The following MCF2L2 variants were observed in gnomAD, a reference collection of about 807,000 sequenced individuals.
The protein encoded by MCF2L2 is MCF.2 cell line derived transforming sequence-like 2, also known as probable guanine nucleotide exchange factor MCF2L2.
MCF2L2 carries 102 observed loss-of-function variants against 150.2 expected under a neutral mutation model. The ratio of observed to expected loss-of-function variants is 0.68; its 90% CI spans 0.58 to 0.80. MCF2L2 has a LOEUF of 0.80. Among genes scored for constraint, MCF2L2 ranks in the 30% least tolerant of loss-of-function variants. The pLI is 0.00. For missense variants in MCF2L2, 1,256 were observed against 1,372.8 expected (o/e 0.91, Z 1.34); for synonymous variants, 465 against 491.3 (o/e 0.95, Z 0.71).
intron 1 of MCF2L2, among the ~76,000 whole-genome samples, chr3:183,404,811 C>T (rs954210155): frequency 6.6e-6 from 1 of 151,834 alleles, no homozygotes; most frequent in South Asian, 2.1e-4. Flanking sequence ...TGCAGTGAGC[C>T]GAGATCTTGC....
intron 14 of MCF2L2, among the ~76,000 whole-genome samples, chr3:183,284,058 G>A (rs79171050): frequency 0.02 from 3,018 of 152,224 alleles, 61 homozygotes; most frequent in East Asian, 0.052. Context: ...AATTGCCTTA[G>A]TATATATTAA....
At chr3:183,307,257 G>C (rs1250563916) in intron 10 of MCF2L2, among the ~76,000 whole-genome samples, 1 of 152,222 alleles carries the variant, frequency 6.6e-6, no homozygotes, top group African/African-American at 2.4e-5. Context: ...ATTGTGGCCA[G>C]ACACAGTCTT....
At chr3:183,287,198 G>A (rs1421077011) in intron 14 of MCF2L2, among the ~76,000 whole-genome samples, 6 of 152,132 alleles carry the variant, frequency 3.9e-5, no homozygotes, top group Non-Finnish European at 8.8e-5. Flanking sequence ...CTTGTTTACT[G>A]TTCACAATTA....
chr3:183,355,388 A>C (rs993748367), intron 3 of MCF2L2, among the ~76,000 whole-genome samples: 1 of 151,600 alleles, frequency 6.6e-6, no homozygotes, highest in African/African-American at 2.4e-5. Flanking sequence ...CTTTCAGTAG[A>C]GGGGGGCAGA....
rs1729677535 is a variant in MCF2L2, at chr3:183,318,200, G to A, written c.621C>T (p.Ala207=). 6.2e-7 allele frequency: 1 copy of A among 1,614,188 alleles called. No individual in the cohort carries two copies. The highest frequency in any genetic ancestry group is 8.5e-7 in the Non-Finnish European group (1 of 1,180,024). ...VNHRTAIENF[A]LTLKTTAQML... is the part of the protein sequence containing the mutation. Reference sequence around the variant, plus strand: ...TCTGGGCAGTGGTCTTCAAGGTCAAGGCAAAGTTTTCGATGGCCTGGAAGG... The same window carrying A: ...TCTGGGCAGTGGTCTTCAAGGTCAAAGCAAAGTTTTCGATGGCCTGGAAGG... Residue 207 remains alanine (A), a synonymous_variant, in exon 7 of 30, where the codon GCC becomes GCT. Transcript: ENST00000328913.
At chr3:183,257,559 A>G (rs1205099397) in intron 15 of MCF2L2, among the ~76,000 whole-genome samples, 2 of 152,220 alleles carry the variant, frequency 1.3e-5, no homozygotes, top group Non-Finnish European at 2.9e-5. Context: ...GTTAACTTAG[A>G]CTAAATGTTG....
chr3:183,341,418 T>A, intron 4 of MCF2L2, 122 bp downstream of exon 4: 1 of 739,900 alleles, frequency 1.4e-6, no homozygotes, highest in Non-Finnish European at 2.3e-6. Context: ...CAGCACCTGT[T>A]ACAAAGACCT....
chr3:183,308,094 C>G (rs921697838), intron 10 of MCF2L2, among the ~76,000 whole-genome samples: 3 of 152,162 alleles, frequency 2.0e-5, no homozygotes, highest in Non-Finnish European at 4.4e-5. Context: ...TCACTTGTTA[C>G]TATCTGATGT....
chr3:183,179,232 C>A lies in MCF2L2; in HGVS notation c.*148G>T. The A allele has an allele frequency of 8.6e-7, 1 of 1,156,160 alleles. No individual in the cohort carries two copies. Among genetic ancestry groups the A allele is most frequent in the Non-Finnish European group, 1.1e-6 (1 of 887,858 alleles). 71.6% of individuals were successfully genotyped at this position (1,156,160 alleles called of 1,614,324 possible). On this transcript the variant is annotated 3_prime_UTR_variant, in exon 30 of 30. Transcript: ENST00000328913. This position sits in a 1 kb window ranked among gnomAD's most constrained non-coding sequence, Gnocchi z 4.2. ...CGCACCCAGGACACCCCTCGGGCTC[C>A]TCGGAGGAGGCCCTGGTTGTCCCCT...
At chr3:183,228,409 A>C in intron 17 of MCF2L2, 43 bp from the exon 18 acceptor site, 1 of 1,360,418 alleles carries the variant, frequency 7.4e-7, no homozygotes, top group Non-Finnish European at 1.0e-6. Flanking sequence ...TTTGATTTTG[A>C]CATGTAGGTA....
chr3:183,205,901 C>T lies in MCF2L2; in HGVS notation c.2859G>A (p.Leu953=), dbSNP rs1296653354. The T allele has an allele frequency of 6.2e-7, 1 of 1,613,726 alleles. No homozygotes were observed. The highest frequency in any genetic ancestry group is 8.5e-7 in the Non-Finnish European group (1 of 1,179,794). ...DCWFSEISKL[L]MEQQNNIKDQ... Reference sequence around the variant, plus strand: ...CTTTGATATTATTTTGTTGTTCCATCAATAATTTACTTATTTCTGAAAACC... The same window carrying T: ...CTTTGATATTATTTTGTTGTTCCATTAATAATTTACTTATTTCTGAAAACC... Residue 953 remains leucine, a synonymous_variant, in exon 25 of 30, where the codon TTG becomes TTA. Transcript: ENST00000328913.
chr3:183,297,041 A>G lies in MCF2L2; in HGVS notation c.1432T>C (p.Tyr478His). ...IATFLGTVKE[Y>H]PLLSPKEFYN... ...AACTCCTTGGGGCTGAGCAACGGGT[A>G]CTCCTTGACTGTGCCCAGGAATGTC... The change falls in exon 12 of 30, where the codon TAC becomes CAC. Residue 478 changes from tyrosine (Y) to histidine (H), a missense_variant. Transcript: ENST00000328913. 1 of 1,613,976 alleles carries G rather than the reference A, an allele frequency of 6.2e-7. No homozygotes were observed. Among genetic ancestry groups the G allele is most frequent in the Non-Finnish European group, 8.5e-7 (1 of 1,179,994 alleles).
intron 10 of MCF2L2, among the ~76,000 whole-genome samples, chr3:183,308,543 T>G (rs1729213602): frequency 6.6e-6 from 1 of 152,140 alleles, no homozygotes; most frequent in South Asian, 2.1e-4. Flanking sequence ...GAGCGCTCGC[T>G]GTGAAGGGAT....
intron 27 of MCF2L2, among the ~76,000 whole-genome samples, chr3:183,186,292 T>C (rs1721689916): frequency 6.6e-6 from 1 of 152,170 alleles, no homozygotes; most frequent in African/African-American, 2.4e-5. Flanking sequence ...GGCCTTACTC[T>C]TGCCCAGGAG....
chr3:183,378,980 A>C (rs1481935486), intron 3 of MCF2L2: 7 of 222,884 alleles, frequency 3.1e-5, no homozygotes, highest in Admixed American at 1.2e-4. Context: ...CCATCTCAAA[A>C]ATAAAAAATG....
At chr3:183,264,609 A>G (rs1725924675) in intron 15 of MCF2L2, among the ~76,000 whole-genome samples, 1 of 152,254 alleles carries the variant, frequency 6.6e-6, no homozygotes, top group African/African-American at 2.4e-5. Context: ...AGGTTGTTTA[A>G]CTTGTACTTA....
chr3:183,386,830 T>G (rs1577112988), intron 2 of MCF2L2, among the ~76,000 whole-genome samples: 1 of 152,070 alleles, frequency 6.6e-6, no homozygotes, highest in East Asian at 1.9e-4. Context: ...AGAGAGATGG[T>G]TAAAGATGAA....
chr3:183,418,873 G>A (rs73185001), intron 1 of MCF2L2, among the ~76,000 whole-genome samples: 7,525 of 152,304 alleles, frequency 0.049, 261 homozygotes, highest in Non-Finnish European at 0.075. Flanking sequence ...AGCTGTCGGT[G>A]GATCTGTCAT....
chr3:183,186,256 T>C (rs1721688705), intron 27 of MCF2L2, among the ~76,000 whole-genome samples: 1 of 152,120 alleles, frequency 6.6e-6, no homozygotes, highest in African/African-American at 2.4e-5. Flanking sequence ...TTAAAAAAAA[T>C]CATGCATATC....
Sources: gnomAD v4.1 joint callset for allele counts (sites outside exome capture counted in the v4.1 genomes callset) on GRCh38, gnomAD v4.1.1 for gene constraint, Gnocchi (gnomAD v3.1) non-coding constraint, MANE v1.5 for transcripts, NCBI Gene and HGNC (gene_info 2026-07-23, HGNC 2026-07-21) for gene names.